Variants in CPT1C observed in about 807,000 individuals in gnomAD.
CPT1C encodes carnitine palmitoyltransferase 1C.
CPT1C carries 61 observed loss-of-function variants against 97.3 expected under a neutral mutation model. The observed-to-expected ratio is 0.63, with a 90% CI of 0.51 to 0.78. The LOEUF (loss-of-function observed/expected upper bound fraction) is 0.78, where lower values mean the gene tolerates loss of function less well. Ranked by LOEUF, CPT1C falls within the 30% of genes least tolerant of loss-of-function variation. The pLI is 0.00. For synonymous variants in CPT1C, 469 were observed against 447.2 expected (o/e 1.05, Z -0.61); for missense variants, 975 against 1,065.5 (o/e 0.92, Z 1.18).
rs1809686687 is a variant in CPT1C, at chr19:49,692,323, G to T, written c.71G>T (p.Ser24Ile). 6.2e-7 allele frequency: 1 copy of T among 1,614,120 alleles called. No homozygotes were observed. Among genetic ancestry groups the T allele is most frequent in the Non-Finnish European group, 8.5e-7 (1 of 1,180,018 alleles). Reference sequence around the variant, plus strand: ...TCGGACGGGGCTGAAGTGGAACTCAGTGCCCCTGTGCTGCAGGAGATCTAC... The same window carrying T: ...TCGGACGGGGCTGAAGTGGAACTCATTGCCCCTGTGCTGCAGGAGATCTAC... ...LTSDGAEVEL[S>I]APVLQEIYLS... The change falls in exon 3 of 20, where the codon AGT becomes ATT. Residue 24 changes from serine to isoleucine, a missense_variant. By Grantham distance (142) the Ser-to-Ile change is moderately radical. Around this residue, in one of 3 missense-constraint regions of CPT1C, gnomAD observed 596 missense variants for 603.1 expected, o/e 0.99. Transcript: ENST00000598293.
intron 4 of CPT1C, 33 bp downstream of exon 4, chr19:49,697,498 C>A: frequency 6.2e-7 from 1 of 1,606,216 alleles, no homozygotes; most frequent in Non-Finnish European, 8.5e-7. Flanking sequence ...CAGTAACCCC[C>A]AATCACTCTC....
Position 49,702,492 on chromosome 19 carries a change from C to T in CPT1C, c.693+858C>T, listed in dbSNP as rs868617207. 3.3e-5 allele frequency among the ~76,000 whole-genome samples: 5 copies of T among 151,762 alleles called. No individual in the cohort carries two copies. In the South Asian group the frequency reaches 8.3e-4, roughly 25 times the overall value. Reference sequence around the variant, plus strand: ...AATTAAACAGGTCTGGTGGCGCACACGCCTATAATCCCAGCTACTCGGGAG... The same window carrying T: ...AATTAAACAGGTCTGGTGGCGCACATGCCTATAATCCCAGCTACTCGGGAG... On this transcript the variant is annotated intron_variant, in intron 7 of 19. Coordinates refer to ENST00000598293, the MANE Select transcript of CPT1C (RefSeq NM_001199753.2).
chr19:49,700,201 A>C (rs566955995), intron 4 of CPT1C, among the ~76,000 whole-genome samples: 2 of 151,620 alleles, frequency 1.3e-5, no homozygotes, highest in Non-Finnish European at 2.9e-5. Context: ...GAGCCGAGAT[A>C]GCACCACAGC....
At chr19:49,695,880 C>CTT (rs34296413) in intron 3 of CPT1C, among the ~76,000 whole-genome samples, 28 of 150,818 alleles carry the variant, frequency 1.9e-4, no homozygotes, top group Admixed American at 2.6e-4. Context: ...TGCCCCTGGC[C>CTT]TTTTTTTTGA....
chr19:49,701,393 C>T lies in CPT1C; in HGVS notation c.530C>T (p.Pro177Leu). The T allele has an allele frequency of 1.2e-6, 2 of 1,613,580 alleles. No homozygotes were observed. Among genetic ancestry groups the T allele is most frequent in the Non-Finnish European group, 8.5e-7 (1 of 1,179,894 alleles). Residue 177 changes from proline (P) to leucine (L), a missense_variant, in exon 6 of 20, where the codon CCC becomes CTC. Transcript: ENST00000598293. ...CGCTCCCTGCCACGCCAGCCCGTGCCCTCTGTGCAGGACACCGTGCGCAAG... is the reference window on the plus strand; with the variant it reads ...CGCTCCCTGCCACGCCAGCCCGTGCTCTCTGTGCAGGACACCGTGCGCAAG... ...YQRSLPRQPV[P>L]SVQDTVRKYL...
chr19:49,711,542 C>T (rs11666611), intron 16 of CPT1C: 30 of 508,020 alleles, frequency 5.9e-5, no homozygotes, highest in South Asian at 9.8e-5. Context: ...CACCTAGCCC[C>T]GCACCTACAA....
chr19:49,709,569 T>C (rs1249210136), intron 14 of CPT1C, among the ~76,000 whole-genome samples: 3 of 150,866 alleles, frequency 2.0e-5, no homozygotes, highest in African/African-American at 7.3e-5. Context: ...TTTTTTTTTT[T>C]TTTGAGATGG....
Position 49,707,629 on chromosome 19 carries a change from G to A in CPT1C, c.1449+6G>A, listed in dbSNP as rs1368498466. Reference sequence around the variant, plus strand: ...TCTCAGGACACATGTGGGAGGTAGGGCGGCCAGCCCTCCCTGGTTCTGGGG... The same window carrying A: ...TCTCAGGACACATGTGGGAGGTAGGACGGCCAGCCCTCCCTGGTTCTGGGG... On this transcript the variant is annotated splice_donor_region_variant and intron_variant, in intron 13 of 19. Transcript: ENST00000598293. The A allele has an allele frequency of 1.2e-6, 2 of 1,600,402 alleles. No individual in the cohort carries two copies. The highest frequency in any genetic ancestry group is 1.7e-6 in the Non-Finnish European group (2 of 1,171,602).
chr19:49,706,428 G>C lies in CPT1C; in HGVS notation c.1343+15G>C. The C allele has an allele frequency of 6.9e-7, 1 of 1,455,974 alleles. No individual in the cohort carries two copies. Among genetic ancestry groups the C allele is most frequent in the Non-Finnish European group, 9.0e-7 (1 of 1,112,860 alleles). The allele number at this position is 1,455,974 out of a possible 1,614,324, so 90.2% of individuals were successfully genotyped here. On this transcript the variant is annotated intron_variant, in intron 12 of 19. Transcript: ENST00000598293. The surrounding 1 kb of genome is among the most constrained non-coding windows in gnomAD (Gnocchi z 4.8). The stretch of plus-strand genomic sequence containing the variant: ...GGCCATGATCGGTGAGTGAGTCTTG[G>C]GATGGGGCCCCCAGATGTGGCACCC...
Position 49,705,264 on chromosome 19 carries a change from C to G in CPT1C, c.930C>G (p.Ile310Met), listed in dbSNP as rs781144968. 3 of 1,608,202 alleles carry G rather than the reference C, an allele frequency of 1.9e-6. No individual in the cohort carries two copies. Among genetic ancestry groups the G allele is most frequent in the Middle Eastern group, 1.6e-4 (1 of 6,064 alleles). The change falls in exon 10 of 20, where the codon ATC (isoleucine) becomes ATG (methionine). Residue 310 changes from isoleucine to methionine, a missense_variant. By Grantham distance (10) the Ile-to-Met change is conservative. Coordinates refer to ENST00000598293, the MANE Select transcript of CPT1C (RefSeq NM_001199753.2). ...RPLCSAQYEK[I>M]FNTTRIPGVQ... ...TATGCTCTGCCCAGTACGAGAAGATCTTCAACACCACGCGGATTCCAGGGG... is the reference window on the plus strand; with the variant it reads ...TATGCTCTGCCCAGTACGAGAAGATGTTCAACACCACGCGGATTCCAGGGG...
Position 49,705,054 on chromosome 19 carries a change from G to A in CPT1C, c.819G>A (p.Gly273=). ...TPTPLQAARA[G]NAVHALLLYR... is the part of the protein sequence containing the mutation. ...CGCCTCTGCAGGCAGCTCGCGCTGGGAATGCCGTCCATGCCCTCCTCCTGT... is the reference window on the plus strand; with the variant it reads ...CGCCTCTGCAGGCAGCTCGCGCTGGAAATGCCGTCCATGCCCTCCTCCTGT... The change falls in exon 9 of 20, where the codon GGG becomes GGA. Residue 273 remains glycine (G), a synonymous_variant. Transcript: ENST00000598293. 2 of 1,611,848 alleles carry A rather than the reference G, an allele frequency of 1.2e-6. No individual in the cohort carries two copies. The highest frequency in any genetic ancestry group is 1.7e-5 in the Admixed American group (1 of 59,924).
rs756027963 is a variant in CPT1C at position 49,701,441 on chromosome 19, G to T, written c.555+23G>T. ...AAGGTGGGCCTGGGAGCGCGCAGACGGGCTGGGGCGGCCGGGGCGGGCCGG... is the reference window on the plus strand; with the variant it reads ...AAGGTGGGCCTGGGAGCGCGCAGACTGGCTGGGGCGGCCGGGGCGGGCCGG... On this transcript the variant is annotated intron_variant, in intron 6 of 19. Coordinates refer to ENST00000598293, the MANE Select transcript of CPT1C (RefSeq NM_001199753.2). The T allele has an allele frequency of 4.4e-6, 7 of 1,589,850 alleles. No individual in the cohort carries two copies. In the Admixed American group the frequency reaches 1.2e-4, roughly 27 times the overall value.
chr19:49,702,621 AAAAAAAAAAAAGAAAAG>A (rs1169662584), intron 7 of CPT1C, among the ~76,000 whole-genome samples: 1 of 144,084 alleles, frequency 6.9e-6, no homozygotes. Flanking sequence ...CTCTGTCTCA[AAAAAAAAAAAAGAAAAG>A]AAAAAAAAAA....
rs780442933 is a variant in CPT1C at position 49,705,108 on chromosome 19, A to AC, written c.878dup (p.Thr294AspfsTer36). On this transcript the variant is annotated frameshift_variant, in exon 9 of 20. Coordinates refer to ENST00000598293, the MANE Select transcript of CPT1C (RefSeq NM_001199753.2). LOFTEE classifies it high-confidence loss of function. ...GCCACCGCCTGAACCGCCAGGAGAT[A>AC]CCCCCGGTGAGAGGGCCCCAGTGGG... 1.9e-6 allele frequency: 3 copies of AC among 1,613,520 alleles called. No homozygotes were observed. The African/African-American group carries it at 4.0e-5, about 22-fold the overall frequency.
chr19:49,710,693 C>CA (rs2083812474), intron 15 of CPT1C, 30 bp from the exon 16 acceptor site: 1 of 1,601,224 alleles, frequency 6.2e-7, no homozygotes, highest in Non-Finnish European at 8.5e-7. Context: ...GCCCAGCTGA[C>CA]AGACTCCTCT....
intron 4 of CPT1C, among the ~76,000 whole-genome samples, chr19:49,700,204 A>G (rs1255573680): frequency 6.8e-5 from 10 of 146,366 alleles, no homozygotes; most frequent in Admixed American, 1.4e-4. Context: ...CCGAGATAGC[A>G]CCACAGCACT....
rs369637900 is a variant in CPT1C at position 49,704,784 on chromosome 19, G to C, written c.768G>C (p.Met256Ile). Residue 256 changes from methionine (M) to isoleucine (I), a missense_variant, in exon 8 of 20, where the codon ATG (methionine) becomes ATC (isoleucine). Physicochemically the swap from Met to Ile is conservative, Grantham distance 10. Around this residue, in one of 3 missense-constraint regions of CPT1C, gnomAD observed 596 missense variants for 603.1 expected, o/e 0.99. Transcript: ENST00000598293. ...NPLMVNSNYY[M>I]MDFLYVTPTP... is the part of the protein sequence containing the mutation. The stretch of plus-strand genomic sequence containing the variant: ...TGATGGTGAACAGCAACTATTACAT[G>C]ATGGTGAGAAGGGGAGGGGTGAGGT... 1.2e-6 allele frequency: 2 copies of C among 1,613,880 alleles called. No homozygotes were observed. Among genetic ancestry groups the C allele is most frequent in the South Asian group, 1.1e-5 (1 of 91,080 alleles).
At chr19:49,708,492 A>G (rs1488447209) in intron 13 of CPT1C, among the ~76,000 whole-genome samples, 1 of 152,096 alleles carries the variant, frequency 6.6e-6, no homozygotes, top group African/African-American at 2.4e-5. Flanking sequence ...ACAGAGCAAG[A>G]CCCTGTCAAA....
rs2083532942 is a variant in CPT1C at position 49,706,928 on chromosome 19, C to T, written c.1343+515C>T. On this transcript the variant is annotated intron_variant, in intron 12 of 19. Coordinates refer to ENST00000598293, the MANE Select transcript of CPT1C (RefSeq NM_001199753.2). This position sits in a 1 kb window ranked among gnomAD's most constrained non-coding sequence, Gnocchi z 4.8. ...CTAGGCCCCAGGGGGGTCCCGCTGA[C>T]CTCCCAGCACCCCCAAAAGCCTTGA... Among the ~76,000 whole-genome samples, 1 of 152,170 alleles carries T rather than the reference C, an allele frequency of 6.6e-6. No individual in the cohort carries two copies. Among genetic ancestry groups the T allele is most frequent in the African/African-American group, 2.4e-5 (1 of 41,438 alleles).
Sources: allele counts gnomAD v4.1 joint callset (sites outside exome capture counted in the v4.1 genomes callset), GRCh38; gene constraint gnomAD v4.1.1; regional missense constraint gnomAD v4.1.1; non-coding constraint Gnocchi (gnomAD v3.1); transcripts MANE v1.5; gene names NCBI Gene and HGNC (gene_info 2026-07-23, HGNC 2026-07-21).